ADK: variants seen among roughly 807,000 people sequenced by gnomAD.
The protein encoded by ADK is N6,N6-dimethyladenosine kinase.
Under a neutral mutation model 44.7 loss-of-function variants are expected in ADK, and 24 were observed. The ratio of observed to expected loss-of-function variants is 0.54; its 90% confidence interval spans 0.39 to 0.76. The LOEUF is 0.76. Among genes scored for constraint, ADK ranks in the 30% least tolerant of loss-of-function variants. ADK has a pLI of 0.00. For synonymous variants in ADK, 128 were observed against 142.6 expected, an observed-to-expected ratio of 0.90 and a Z score of 0.73; for missense variants, 321 against 425.1, an observed-to-expected ratio of 0.76 and a Z score of 2.15.
intron 3 of ADK, among the ~76,000 whole-genome samples, chr10:74,302,109 GTTTTTTTTTTTTTTTTTTTTTTTTTT>G: frequency 7.7e-5 from 1 of 13,044 alleles, no homozygotes; most frequent in East Asian, 2.7e-3. Context: ...TTGTTTGTTT[GTTTTTTTTTTTTTTTTTTTTTTTTTT>G]TTTTTTTTTT....
intron 7 of ADK, among the ~76,000 whole-genome samples, chr10:74,576,028 A>G (rs1478162770): frequency 6.6e-6 from 1 of 152,178 alleles, no homozygotes; most frequent in South Asian, 2.1e-4. Flanking sequence ...GTGAGGCAGG[A>G]TATCTTACAA....
chr10:74,234,261 A>G (rs1038455141), intron 3 of ADK, among the ~76,000 whole-genome samples: 2 of 152,230 alleles, frequency 1.3e-5, no homozygotes, highest in Non-Finnish European at 2.9e-5. Flanking sequence ...AATACATGTT[A>G]AAGAACAAGG....
intron 3 of ADK, among the ~76,000 whole-genome samples, chr10:74,243,848 C>T (rs1036604846): frequency 2.0e-5 from 3 of 152,034 alleles, no homozygotes; most frequent in Admixed American, 1.3e-4. Flanking sequence ...AGTGAGATTA[C>T]GTCTCAAAAA....
chr10:74,189,986 A>G (rs1206027198), intron 1 of ADK, among the ~76,000 whole-genome samples: 1 of 152,086 alleles, frequency 6.6e-6, no homozygotes, highest in Non-Finnish European at 1.5e-5. Flanking sequence ...CAATTTATCC[A>G]TTTATCACTT....
chr10:74,555,821 T>C (rs551248546), intron 7 of ADK, among the ~76,000 whole-genome samples: 1 of 152,038 alleles, frequency 6.6e-6, no homozygotes, highest in East Asian at 1.9e-4. Context: ...ATCAGAGATT[T>C]CCCCCCATGT....
intron 2 of ADK, among the ~76,000 whole-genome samples, chr10:74,218,507 A>G (rs1466002787): frequency 2.6e-5 from 4 of 152,220 alleles, no homozygotes; most frequent in Non-Finnish European, 4.4e-5. Flanking sequence ...AGATTCAGGA[A>G]ATACAGAGAA....
intron 1 of ADK, among the ~76,000 whole-genome samples, chr10:74,162,401 A>G (rs756570448): frequency 6.6e-6 from 1 of 152,150 alleles, no homozygotes; most frequent in African/African-American, 2.4e-5. Flanking sequence ...GGAGAGAACT[A>G]TTACCTGAAA....
intron 2 of ADK, among the ~76,000 whole-genome samples, chr10:74,213,046 C>G (rs2132198357): frequency 6.6e-6 from 1 of 152,216 alleles, no homozygotes; most frequent in South Asian, 2.1e-4. Context: ...CTATGATATC[C>G]AGGCAGGCAT....
At chr10:74,626,627 A>G (rs143803783) in intron 9 of ADK, among the ~76,000 whole-genome samples, 70 of 152,316 alleles carry the variant, frequency 4.6e-4, no homozygotes, top group African/African-American at 1.6e-3. Flanking sequence ...TATAGGATGT[A>G]TATGATTAAA....
intron 1 of ADK, among the ~76,000 whole-genome samples, chr10:74,154,093 A>T (rs1277465640): frequency 6.6e-6 from 1 of 152,104 alleles, no homozygotes; most frequent in African/African-American, 2.4e-5. Flanking sequence ...GAAGTAGGGT[A>T]TCTGCCTTAT....
intron 7 of ADK, among the ~76,000 whole-genome samples, chr10:74,584,118 T>C (rs1389730538): frequency 6.6e-6 from 1 of 152,192 alleles, no homozygotes; most frequent in Non-Finnish European, 1.5e-5. Context: ...AGGATTTGAA[T>C]ACCAGGTTCA....
At chr10:74,185,460 A>G (rs1842711809) in intron 1 of ADK, among the ~76,000 whole-genome samples, 1 of 152,100 alleles carries the variant, frequency 6.6e-6, no homozygotes, top group Non-Finnish European at 1.5e-5. Context: ...GATTGGCTTT[A>G]CGTAACCAAG....
chr10:74,395,756 C>T (rs571005941), intron 5 of ADK, among the ~76,000 whole-genome samples: 2 of 152,258 alleles, frequency 1.3e-5, no homozygotes, highest in East Asian at 1.9e-4. Context: ...CAGTGGCTCA[C>T]GCCTGTAATC....
chr10:74,328,111 G>A (rs1841082764), intron 4 of ADK, among the ~76,000 whole-genome samples: 1 of 152,098 alleles, frequency 6.6e-6, no homozygotes, highest in African/African-American at 2.4e-5. Context: ...GTTTCACCAT[G>A]TTGCCCAGGC....
chr10:74,699,506 G>T (rs1185546456), intron 10 of ADK, among the ~76,000 whole-genome samples: 4 of 152,006 alleles, frequency 2.6e-5, no homozygotes, highest in African/African-American at 9.7e-5. Context: ...GGTGAAACCC[G>T]TCTCTACTGA....
intron 3 of ADK, among the ~76,000 whole-genome samples, chr10:74,235,232 T>C (rs1844916163): frequency 6.6e-6 from 1 of 151,696 alleles, no homozygotes; most frequent in Admixed American, 6.6e-5. Context: ...AGCAAACTTC[T>C]ACAACAGGTA....
At chr10:74,563,239 T>C (rs1300787912) in intron 7 of ADK, among the ~76,000 whole-genome samples, 2 of 152,178 alleles carry the variant, frequency 1.3e-5, no homozygotes, top group Admixed American at 1.3e-4. Context: ...CTTTCTGTTT[T>C]TAAGACAGTT....
At chr10:74,423,022 T>TA (rs1171614507) in intron 6 of ADK, among the ~76,000 whole-genome samples, 3 of 151,814 alleles carry the variant, frequency 2.0e-5, no homozygotes, top group Admixed American at 1.3e-4. Context: ...CCAAACAAGA[T>TA]ATGGATGTAG....
intron 8 of ADK, among the ~76,000 whole-genome samples, chr10:74,597,045 T>TA (rs1367668082): frequency 1.3e-5 from 2 of 152,220 alleles, no homozygotes; most frequent in Non-Finnish European, 2.9e-5. Flanking sequence ...TCGTTATAGA[T>TA]ACTATAATTG....
Sources: gnomAD v4.1 joint callset for allele counts (sites outside exome capture counted in the v4.1 genomes callset) on GRCh38, gnomAD v4.1.1 for gene constraint, MANE v1.5 for transcripts, NCBI Gene and HGNC (gene_info 2026-07-23, HGNC 2026-07-21) for gene names.